The following JAM3 variants were observed in gnomAD, a reference collection of about 807,000 sequenced individuals.
JAM3 encodes the protein junctional adhesion molecule C.
A neutral mutation model predicts 39.4 loss-of-function variants in JAM3; 31 were observed. The ratio of observed to expected loss-of-function variants is 0.79; its 90% CI spans 0.59 to 1.06. The LOEUF (loss-of-function observed/expected upper bound fraction) is 1.06. Ranked by LOEUF, JAM3 falls within the 50% of genes least tolerant of loss-of-function variation. The pLI, the probability that JAM3 is intolerant of heterozygous loss-of-function variation, is 0.00. For missense variants in JAM3, 455 were observed against 391.4 expected (o/e 1.16, Z -1.37); for synonymous variants, 182 against 148.7 (o/e 1.22, Z -1.63).
chr11:134,076,848 T>A (rs1214414551), intron 1 of JAM3, among the ~76,000 whole-genome samples: 1 of 149,664 alleles, frequency 6.7e-6, no homozygotes, highest in African/African-American at 2.5e-5. Context: ...TTTTTTTTTT[T>A]TTTTTGAGAT....
intron 1 of JAM3, among the ~76,000 whole-genome samples, chr11:134,073,940 T>G (rs535688197): frequency 2.6e-5 from 4 of 152,340 alleles, no homozygotes; most frequent in South Asian, 4.1e-4. Context: ...AGTGTCAGTT[T>G]GTACTACAGT....
intron 1 of JAM3, among the ~76,000 whole-genome samples, chr11:134,104,820 C>T (rs1240218931): frequency 1.3e-5 from 2 of 152,080 alleles, no homozygotes; most frequent in African/African-American, 4.8e-5. Context: ...AGTTGAATCC[C>T]TGAATAGACC....
At position 134,148,751 on chromosome 11, in the gene JAM3, C is replaced by A. The variant is rs769568279; in HGVS notation, c.843-13C>A. The stretch of plus-strand genomic sequence containing the variant: ...AACAACCCTGTTGCTAAACTGCTCT[C>A]TTCTCCTCATAGTTACAAGAACCCA... On this transcript the variant is annotated splice_polypyrimidine_tract_variant and intron_variant, in intron 7 of 8. Coordinates refer to ENST00000299106, the MANE Select transcript of JAM3 (RefSeq NM_032801.5). The A allele has an allele frequency of 6.2e-7, 1 of 1,614,132 alleles. No individual in the cohort carries two copies. The highest frequency in any genetic ancestry group is 1.6e-4 in the Middle Eastern group (1 of 6,062).
rs141962348 is a variant in JAM3, at chr11:134,147,896, A to C, written c.713-651A>C. 1,353 of 154,042 alleles carry C rather than the reference A, an allele frequency of 8.8e-3. 19 individuals carry two copies. The highest frequency in any genetic ancestry group is 0.03 in the African/African-American group (1,253 of 41,564). The allele number at this position is 154,042 out of a possible 1,614,324, so 9.5% of individuals were successfully genotyped here. On this transcript the variant is annotated intron_variant, in intron 6 of 8. Transcript: ENST00000299106. ...TGGCTCTTGTTGATAAATTCCCTGC[A>C]TAGTTTTCCATGTGTCGCTTGCTTG...
chr11:134,117,973 T>C (rs912927101), intron 1 of JAM3, among the ~76,000 whole-genome samples: 1 of 152,190 alleles, frequency 6.6e-6, no homozygotes, highest in Admixed American at 6.5e-5. Context: ...ATTATTTTTT[T>C]GTAGCATATG....
chr11:134,139,863 G>A lies in JAM3; in HGVS notation c.89G>A (p.Gly30Glu). 6.2e-7 allele frequency: 1 copy of A among 1,613,804 alleles called. No homozygotes were observed. Among genetic ancestry groups the A allele is most frequent in the Non-Finnish European group, 8.5e-7 (1 of 1,179,720 alleles). Residue 30 changes from glycine to glutamate, a missense_variant, in exon 2 of 9, where the codon GGG becomes GAG. Physicochemically the swap from Gly to Glu is moderately conservative, Grantham distance 98. Transcript: ENST00000299106. ...LLLLFRGCLI[G>E]AVNLKSSNRT... ...CTTTCTCCTTCAGGCTGCCTGATAG[G>A]GGCTGTAAATCTCAAATCCAGCAAT...
At chr11:134,081,583 G>A (rs897718190) in intron 1 of JAM3, among the ~76,000 whole-genome samples, 3 of 152,238 alleles carry the variant, frequency 2.0e-5, no homozygotes, top group African/African-American at 4.8e-5. Context: ...AAGAATTGAG[G>A]TTTGGGAACC....
chr11:134,098,488 G>A (rs1942022677), intron 1 of JAM3, among the ~76,000 whole-genome samples: 1 of 152,154 alleles, frequency 6.6e-6, no homozygotes, highest in Non-Finnish European at 1.5e-5. Flanking sequence ...ATTTCTACCT[G>A]TGCCAGGTAG....
rs1040099333 is a variant in JAM3 at position 134,123,794 on chromosome 11, A to C, written c.77-16057A>C. The C allele has an allele frequency of 5.5e-6, 4 of 729,746 alleles. No individual in the cohort carries two copies. In the African/African-American group the frequency reaches 6.9e-5, roughly 13 times the overall value. 45.2% of individuals were successfully genotyped at this position (729,746 alleles called of 1,614,324 possible). ...ACCAAGGGTTCCCTCTAAATGCCAC[A>C]ATCAAGTGAGCCTTCATTTACATTT... is the stretch of plus-strand genomic sequence containing the variant. On this transcript the variant is annotated intron_variant, in intron 1 of 8. Transcript: ENST00000299106.
chr11:134,091,839 T>C lies in JAM3; in HGVS notation c.76+22680T>C, dbSNP rs1443607516. ...AGTGCTGTGTTTGGGGGTGTGGGTT[T>C]TTTTTTTTTTTTCTTTAACTGTAGG... is the stretch of plus-strand genomic sequence containing the variant. On this transcript the variant is annotated intron_variant, in intron 1 of 8. Transcript: ENST00000299106. Among the ~76,000 whole-genome samples the C allele has an allele frequency of 5.6e-5, 6 of 107,810 alleles. No individual in the cohort carries two copies. The South Asian group carries it at 1.5e-3, about 26-fold the overall frequency. 70.7% of individuals were successfully genotyped at this position (107,810 alleles called of 152,430 possible).
At position 134,144,352 on chromosome 11, in the gene JAM3, G is replaced by T. The variant is rs977837404; in HGVS notation, c.368G>T (p.Arg123Leu). 4 of 1,614,228 alleles carry T rather than the reference G, an allele frequency of 2.5e-6. No individual in the cohort carries two copies. The highest frequency in any genetic ancestry group is 8.5e-7 in the Non-Finnish European group (1 of 1,180,032). Residue 123 changes from arginine to leucine, a missense_variant, in exon 4 of 9, where the codon CGC (arginine) becomes CTC (leucine). By Grantham distance (102) the Arg-to-Leu change is moderately radical (BLOSUM62 -2). Transcript: ENST00000299106. ...TGTGAGGTCGTTGCTCGAAATGACC[G>T]CAAGGAAATTGATGAGATTGTGATC... Reference protein sequence around the residue: ...YRCEVVARNDRKEIDEIVIEL... With the variant: ...YRCEVVARNDLKEIDEIVIEL...
intron 1 of JAM3, among the ~76,000 whole-genome samples, chr11:134,105,761 G>A (rs1942172076): frequency 1.3e-5 from 2 of 152,056 alleles, no homozygotes; most frequent in African/African-American, 4.8e-5. Context: ...GCTTCAAAGA[G>A]AATAAAATAC....
At chr11:134,117,840 C>T (rs1177378789) in intron 1 of JAM3, among the ~76,000 whole-genome samples, 1 of 152,204 alleles carries the variant, frequency 6.6e-6, no homozygotes, top group Non-Finnish European at 1.5e-5. Context: ...CCTGCACTGT[C>T]TTCAAGATAA....
In JAM3 at chr11:134,135,145, T is replaced by G. The variant is rs139797161; in HGVS notation, c.77-4706T>G. ...GTTTTAGCTCTTAAATTTAATAGTTTTAGCTCTTAAATTTAGGTGTTTTAT... is the reference window on the plus strand; with the variant it reads ...GTTTTAGCTCTTAAATTTAATAGTTGTAGCTCTTAAATTTAGGTGTTTTAT... On this transcript the variant is annotated intron_variant, in intron 1 of 8. Transcript: ENST00000299106. 6.0e-3 allele frequency among the ~76,000 whole-genome samples: 912 copies of G among 152,334 alleles called. 4 individuals are homozygous for G. The highest frequency in any genetic ancestry group is 0.021 in the African/African-American group (874 of 41,568).
intron 1 of JAM3, among the ~76,000 whole-genome samples, chr11:134,122,788 C>G (rs906045945): frequency 1.3e-5 from 2 of 152,214 alleles, no homozygotes; most frequent in South Asian, 2.1e-4. Context: ...TGAACATTCA[C>G]AGTACAAGTC....
At chr11:134,082,789 G>C (rs993285122) in intron 1 of JAM3, among the ~76,000 whole-genome samples, 1 of 152,022 alleles carries the variant, frequency 6.6e-6, no homozygotes, top group African/African-American at 2.4e-5. Context: ...TATTTTGGGG[G>C]ATTTATAACC....
chr11:134,124,673 G>A (rs2120788713), intron 1 of JAM3, among the ~76,000 whole-genome samples: 1 of 151,490 alleles, frequency 6.6e-6, no homozygotes, highest in South Asian at 2.1e-4. Flanking sequence ...TTGTTTCCTT[G>A]ATGCCTAATT....
chr11:134,116,460 T>A (rs1196008069), intron 1 of JAM3, among the ~76,000 whole-genome samples: 1 of 152,262 alleles, frequency 6.6e-6, no homozygotes, highest in East Asian at 1.9e-4. Context: ...GTATTCTTTG[T>A]ATTATAATCC....
intron 1 of JAM3, among the ~76,000 whole-genome samples, chr11:134,099,604 ATTTG>A (rs1325543212): frequency 2.3e-4 from 35 of 151,924 alleles, no homozygotes; most frequent in African/African-American, 8.4e-4. Flanking sequence ...TTTTCTATTT[ATTTG>A]TTTATTTATT....
Sources: gnomAD v4.1 joint callset for allele counts (sites outside exome capture counted in the v4.1 genomes callset) on GRCh38, gnomAD v4.1.1 for gene constraint, MANE v1.5 for transcripts, NCBI Gene and HGNC (gene_info 2026-07-23, HGNC 2026-07-21) for gene names.